EPHA6: variants seen among roughly 807,000 people sequenced by gnomAD.
The protein encoded by EPHA6 is EPH receptor A6.
EPHA6 carries 50 observed loss-of-function variants against 112.0 expected under a neutral mutation model. The observed-to-expected ratio is 0.45, with a 90% CI of 0.36 to 0.56. The LOEUF is 0.56. Among genes scored for constraint, EPHA6 ranks in the 20% least tolerant of loss-of-function variants. The pLI, the probability that EPHA6 is intolerant of heterozygous loss-of-function variation, is 0.00. For synonymous variants in EPHA6, 529 were observed against 490.7 expected (o/e 1.08, Z -1.03); for missense variants, 1,280 against 1,417.4 (o/e 0.90, Z 1.56).
At chr3:97,278,449 G>T (rs879945065) in intron 5 of EPHA6, among the ~76,000 whole-genome samples, 1 of 152,142 alleles carries the variant, frequency 6.6e-6, no homozygotes, top group Non-Finnish European at 1.5e-5. Flanking sequence ...TGAATAACAG[G>T]CTTATACATT....
At chr3:96,913,313 C>T (rs1189072182) in intron 2 of EPHA6, among the ~76,000 whole-genome samples, 3 of 151,114 alleles carry the variant, frequency 2.0e-5, no homozygotes, top group Non-Finnish European at 2.9e-5. Flanking sequence ...AAGAATGCAG[C>T]GAACTATGAT....
intron 3 of EPHA6, among the ~76,000 whole-genome samples, chr3:97,018,170 CT>C (rs1205143393): frequency 1.3e-4 from 19 of 151,764 alleles, no homozygotes; most frequent in Non-Finnish European, 7.4e-5. Context: ...TTAAATTTAC[CT>C]GATAGAATTC....
chr3:96,974,944 A>AG (rs2042463759), intron 2 of EPHA6, among the ~76,000 whole-genome samples: 1 of 152,120 alleles, frequency 6.6e-6, no homozygotes, highest in African/African-American at 2.4e-5. Context: ...TAAGTCCCAG[A>AG]GAGGGGGTCA....
At chr3:97,458,488 C>T (rs1015742823) in intron 7 of EPHA6, among the ~76,000 whole-genome samples, 1 of 151,988 alleles carries the variant, frequency 6.6e-6, no homozygotes, top group African/African-American at 2.4e-5. Context: ...GCAATTCCAT[C>T]AACAATAAAC....
chr3:97,515,728 C>T (rs1380583135), intron 10 of EPHA6, among the ~76,000 whole-genome samples: 1 of 152,042 alleles, frequency 6.6e-6, no homozygotes, highest in Non-Finnish European at 1.5e-5. Context: ...GAGTAATGTA[C>T]TGGACTTCAT....
chr3:97,590,266 A>G (rs1291548068), intron 11 of EPHA6: 2 of 152,188 alleles, frequency 1.3e-5, no homozygotes, highest in Non-Finnish European at 2.9e-5. Flanking sequence ...TAGATGAAAG[A>G]CCTTTTTACC....
At chr3:97,270,047 A>C (rs2079828170) in intron 5 of EPHA6, among the ~76,000 whole-genome samples, 1 of 152,214 alleles carries the variant, frequency 6.6e-6, no homozygotes, top group Admixed American at 6.5e-5. Flanking sequence ...TACTAATTTC[A>C]CAATACACTA....
intron 13 of EPHA6, among the ~76,000 whole-genome samples, chr3:97,613,910 T>C (rs929090054): frequency 6.6e-6 from 1 of 152,154 alleles, no homozygotes; most frequent in African/African-American, 2.4e-5. Flanking sequence ...ACCTTGACCA[T>C]TATCCCCATA....
rs530871502 is a variant in EPHA6 at position 97,127,456 on chromosome 3, A to G, written c.1115-98808A>G. ...ACTTCCCGGCTGGGCACTGTGGCTCACACCTGTAATCTCATCACTTTGGGA... is the reference window on the plus strand; with the variant it reads ...ACTTCCCGGCTGGGCACTGTGGCTCGCACCTGTAATCTCATCACTTTGGGA... On this transcript the variant is annotated intron_variant, in intron 3 of 17. Coordinates refer to ENST00000389672, the MANE Select transcript of EPHA6 (RefSeq NM_001080448.3). Among the ~76,000 whole-genome samples the G allele has an allele frequency of 5.3e-5, 8 of 152,246 alleles. No homozygotes were observed. In the South Asian group the frequency reaches 1.7e-3, roughly 32 times the overall value.
intron 1 of EPHA6, among the ~76,000 whole-genome samples, chr3:96,865,694 C>CAAAAA (rs57565102): frequency 2.2e-3 from 184 of 81,778 alleles, no homozygotes; most frequent in East Asian, 6.9e-3. Flanking sequence ...AAAAAACAAA[C>CAAAAA]AAAAAAAAAA....
chr3:97,197,635 GT>G (rs2077475270), intron 3 of EPHA6, among the ~76,000 whole-genome samples: 1 of 151,870 alleles, frequency 6.6e-6, no homozygotes, highest in Non-Finnish European at 1.5e-5. Flanking sequence ...GCTGCCTGGG[GT>G]TGGGGGATGG....
intron 3 of EPHA6, among the ~76,000 whole-genome samples, chr3:97,120,283 A>G (rs2048005448): frequency 6.6e-6 from 1 of 152,028 alleles, no homozygotes; most frequent in Non-Finnish European, 1.5e-5. Flanking sequence ...AAGATAAATC[A>G]TAACAAAATT....
At chr3:96,917,726 A>C (rs1020301660) in intron 2 of EPHA6, among the ~76,000 whole-genome samples, 1 of 152,096 alleles carries the variant, frequency 6.6e-6, no homozygotes, top group Admixed American at 6.6e-5. Flanking sequence ...CCCAACATTC[A>C]TTACACTCAC....
At chr3:97,352,721 G>A (rs1328945131) in intron 5 of EPHA6, among the ~76,000 whole-genome samples, 2 of 152,118 alleles carry the variant, frequency 1.3e-5, no homozygotes, top group East Asian at 1.9e-4. Context: ...GCTAGGCCAC[G>A]AGGCCTGCAA....
chr3:96,818,097 TTAAG>T (rs143034267), intron 1 of EPHA6, among the ~76,000 whole-genome samples: 2,299 of 152,118 alleles, frequency 0.015, 55 homozygotes, highest in African/African-American at 0.046. Context: ...ACAGTATTAA[TTAAG>T]TGTTGGAAAT....
At chr3:97,317,183 C>T (rs931431701) in intron 5 of EPHA6, among the ~76,000 whole-genome samples, 28 of 151,508 alleles carry the variant, frequency 1.8e-4, no homozygotes, top group Non-Finnish European at 2.9e-5. Flanking sequence ...GTGTCACTGT[C>T]AGCCCTGTTA....
intron 3 of EPHA6, among the ~76,000 whole-genome samples, chr3:97,061,867 C>T (rs2046032230): frequency 6.6e-6 from 1 of 152,088 alleles, no homozygotes; most frequent in East Asian, 1.9e-4. Flanking sequence ...CATAAAAAGG[C>T]ATACTATTTA....
intron 14 of EPHA6, among the ~76,000 whole-genome samples, chr3:97,656,192 G>T (rs779899673): frequency 2.6e-5 from 4 of 151,932 alleles, no homozygotes; most frequent in Non-Finnish European, 5.9e-5. Flanking sequence ...TCTGGTATTA[G>T]TTGCTAAACA....
chr3:97,198,594 C>T (rs1245351104), intron 3 of EPHA6, among the ~76,000 whole-genome samples: 6 of 152,200 alleles, frequency 3.9e-5, no homozygotes, highest in South Asian at 2.1e-4. Flanking sequence ...GTGAGCTCCT[C>T]GCTTTGGCCC....
Sources: allele counts gnomAD v4.1 joint callset (sites outside exome capture counted in the v4.1 genomes callset), GRCh38; gene constraint gnomAD v4.1.1; transcripts MANE v1.5; gene names NCBI Gene and HGNC (gene_info 2026-07-23, HGNC 2026-07-21).